The following DOCK4 variants were observed in gnomAD, a reference collection of about 807,000 sequenced individuals.
DOCK4 encodes the protein dedicator of cytokinesis protein 4.
Under a neutral mutation model 268.1 loss-of-function variants are expected in DOCK4, and 97 were observed. The ratio of observed to expected loss-of-function variants is 0.36; its 90% CI spans 0.31 to 0.43. The LOEUF is 0.43. DOCK4 is among the 20% of genes least tolerant of loss of function. The pLI, the probability that DOCK4 is intolerant of heterozygous loss-of-function variation, is 1.00. For synonymous variants in DOCK4, 954 were observed against 887.2 expected (o/e 1.08, Z -1.34); for missense variants, 2,145 against 2,455.7 (o/e 0.87, Z 2.67).
At chr7:111,732,633 G>T (rs1795180063) in intron 51 of DOCK4, 1 of 237,962 alleles carries the variant, frequency 4.2e-6, no homozygotes. Flanking sequence ...GCTTTTAGGT[G>T]TGAGATGCTA....
chr7:111,983,860 G>GTGCA (rs1554403059), intron 7 of DOCK4, among the ~76,000 whole-genome samples: 1 of 128,844 alleles, frequency 7.8e-6, no homozygotes, highest in Non-Finnish European at 1.6e-5. Context: ...GCGCGCGCGC[G>GTGCA]CGCACACACA....
At chr7:111,878,921 C>T (rs550462835) in intron 16 of DOCK4, among the ~76,000 whole-genome samples, 29 of 151,908 alleles carry the variant, frequency 1.9e-4, no homozygotes, top group Non-Finnish European at 3.5e-4. Context: ...TCCTAGACAA[C>T]TCCTAGTGCT....
At chr7:112,165,523 CGTGTGTGTGTGT>C (rs112020512) in intron 1 of DOCK4, among the ~76,000 whole-genome samples, 34,400 of 126,440 alleles carry the variant, frequency 0.27, 4,533 homozygotes, top group African/African-American at 0.37. Flanking sequence ...GAATAGTATA[CGTGTGTGTGTGT>C]GTGTGTGTGT....
Position 112,093,976 on chromosome 7 carries a change from T to C in DOCK4, c.38-89845A>G, listed in dbSNP as rs933088318. 2.0e-5 allele frequency among the ~76,000 whole-genome samples: 3 copies of C among 151,726 alleles called. No homozygotes were observed. In the East Asian group the frequency reaches 5.8e-4, roughly 29 times the overall value. ...CTAGGCTTCATCTTAGAAAAGCATA[T>C]TGAGCTTAGATATTATGAGACCATT... On this transcript the variant is annotated intron_variant, in intron 1 of 52. Transcript: ENST00000428084.
chr7:112,198,899 C>CA lies in DOCK4; in HGVS notation c.37+7202dup, dbSNP rs1319833001. Among the ~76,000 whole-genome samples, 5 of 152,056 alleles carry CA rather than the reference C, an allele frequency of 3.3e-5. No homozygotes were observed. The East Asian group carries it at 9.6e-4, about 29-fold the overall frequency. Reference sequence around the variant, plus strand: ...TTCATTTCATGATTGTCTGATGCTCCAACGTGCTCATAACCAAAACTGATT... The same window carrying CA: ...TTCATTTCATGATTGTCTGATGCTCCAAACGTGCTCATAACCAAAACTGATT... On this transcript the variant is annotated intron_variant, in intron 1 of 52. Transcript: ENST00000428084.
chr7:111,751,756 A>ATT (rs1156800861), intron 42 of DOCK4, among the ~76,000 whole-genome samples: 1 of 148,862 alleles, frequency 6.7e-6, no homozygotes, highest in African/African-American at 2.6e-5. Context: ...AAAAATATAT[A>ATT]ATTTTTTTTT....
chr7:112,095,620 T>TGAA (rs978959239), intron 1 of DOCK4, among the ~76,000 whole-genome samples: 2 of 152,164 alleles, frequency 1.3e-5, no homozygotes, highest in Non-Finnish European at 2.9e-5. Context: ...TTGATATACT[T>TGAA]GTATAAAGTT....
At chr7:111,881,286 A>G (rs1285758320) in intron 16 of DOCK4, among the ~76,000 whole-genome samples, 1 of 152,264 alleles carries the variant, frequency 6.6e-6, no homozygotes, top group Non-Finnish European at 1.5e-5. Context: ...ATTTCTCAAA[A>G]GGAGATACAC....
In DOCK4 at chr7:111,727,953, T is replaced by C. The variant is rs1794757088; in HGVS notation, c.*321A>G. ...CAACATTGTCACACATTGTATCGTT[T>C]GACAATATCGTATTGGTTTTAAGAT... On this transcript the variant is annotated 3_prime_UTR_variant, in exon 53 of 53. Coordinates refer to ENST00000428084, the MANE Select transcript of DOCK4 (RefSeq NM_001363540.2). 4.1e-6 allele frequency: 1 copy of C among 244,428 alleles called. No individual in the cohort carries two copies. Among genetic ancestry groups the C allele is most frequent in the East Asian group, 8.0e-5 (1 of 12,510 alleles). The allele number at this position is 244,428 out of a possible 1,614,324, so 15.1% of individuals were successfully genotyped here.
At chr7:111,739,103 T>C (rs1446899874) in intron 49 of DOCK4, 31 bp downstream of exon 49, 2 of 1,576,662 alleles carry the variant, frequency 1.3e-6, no homozygotes, top group Non-Finnish European at 1.7e-6. Flanking sequence ...ATTGTCCTTG[T>C]TTTCTAGTTT....
chr7:112,027,313 C>T (rs1802891154), intron 1 of DOCK4, among the ~76,000 whole-genome samples: 1 of 152,130 alleles, frequency 6.6e-6, no homozygotes, highest in Non-Finnish European at 1.5e-5. Context: ...CAACCTCCGC[C>T]TCCCGGGTTC....
chr7:111,987,514 A>G (rs1799141098), intron 6 of DOCK4, among the ~76,000 whole-genome samples: 1 of 152,204 alleles, frequency 6.6e-6, no homozygotes, highest in Admixed American at 6.5e-5. Flanking sequence ...ATTAGGCAGC[A>G]TAGGTTTCGC....
chr7:111,875,983 A>T (rs1312077939), intron 17 of DOCK4, among the ~76,000 whole-genome samples: 1 of 152,214 alleles, frequency 6.6e-6, no homozygotes, highest in Non-Finnish European at 1.5e-5. Flanking sequence ...TCCACATAGA[A>T]TAAATAAAAA....
chr7:111,868,544 C>A (rs1806161827), intron 21 of DOCK4, among the ~76,000 whole-genome samples: 1 of 152,064 alleles, frequency 6.6e-6, no homozygotes, highest in African/African-American at 2.4e-5. Context: ...AACCACATCT[C>A]TACCAAAAAT....
intron 26 of DOCK4, among the ~76,000 whole-genome samples, 166 bp from the exon 27 acceptor site, chr7:111,822,622 C>G (rs1042933708): frequency 4.6e-5 from 7 of 152,132 alleles, no homozygotes; most frequent in Non-Finnish European, 1.0e-4. Context: ...ATGACCCTTC[C>G]CATTCTCAGG....
intron 1 of DOCK4, among the ~76,000 whole-genome samples, chr7:112,203,814 C>T (rs1302729570): frequency 7.6e-6 from 1 of 131,280 alleles, no homozygotes; most frequent in African/African-American, 2.9e-5. Flanking sequence ...AGTATCCTAG[C>T]AAAAATTTCA....
chr7:111,818,885 T>C (rs1324281960), intron 27 of DOCK4, among the ~76,000 whole-genome samples: 1 of 152,214 alleles, frequency 6.6e-6, no homozygotes, highest in Non-Finnish European at 1.5e-5. Flanking sequence ...CTTCACTCCT[T>C]CATGAAAGAC....
rs560106541 is a variant in DOCK4, at chr7:111,834,712, C to T, written c.2737-26G>A. The T allele has an allele frequency of 3.4e-5, 47 of 1,378,668 alleles. No individual in the cohort carries two copies. In the East Asian group the frequency reaches 5.5e-4, roughly 16 times the overall value. The allele number at this position is 1,378,668 out of a possible 1,614,324, so 85.4% of individuals were successfully genotyped here. On this transcript the variant is annotated intron_variant, in intron 25 of 52. Transcript: ENST00000428084. Reference sequence around the variant, plus strand: ...CTAAGTTAAAAAAAAAAAAAGCATACATTTTATTTTTAGTAAGGACGTAAA... The same window carrying T: ...CTAAGTTAAAAAAAAAAAAAGCATATATTTTATTTTTAGTAAGGACGTAAA...
intron 1 of DOCK4, among the ~76,000 whole-genome samples, chr7:112,132,191 C>G (rs1295480561): frequency 3.3e-5 from 5 of 152,022 alleles, no homozygotes; most frequent in African/African-American, 1.2e-4. Context: ...TGGCCCCCTA[C>G]TTTAGAGCCG....
Sources: gnomAD v4.1 joint callset for allele counts (sites outside exome capture counted in the v4.1 genomes callset) on GRCh38, gnomAD v4.1.1 for gene constraint, MANE v1.5 for transcripts, NCBI Gene and HGNC (gene_info 2026-07-23, HGNC 2026-07-21) for gene names.